Variants in KBTBD8 observed in about 807,000 individuals in gnomAD.
KBTBD8 encodes kelch repeat and BTB domain-containing protein 8.
Under a neutral mutation model 53.5 loss-of-function variants are expected in KBTBD8, and 31 were observed. That is an observed-to-expected ratio of 0.58 (90% CI 0.44 to 0.78). The LOEUF is 0.78. Among genes scored for constraint, KBTBD8 ranks in the 30% least tolerant of loss-of-function variants. The pLI is 0.00. For synonymous variants in KBTBD8, 250 were observed against 247.3 expected (o/e 1.01, Z -0.10); for missense variants, 642 against 735.8 (o/e 0.87, Z 1.48).
At chr3:67,003,173 T>C in intron 2 of KBTBD8, 22 bp from the exon 3 acceptor site, 1 of 1,600,524 alleles carries the variant, frequency 6.2e-7, no homozygotes, top group Non-Finnish European at 8.6e-7. Flanking sequence ...ACGTGTAATA[T>C]TAACCACTCT....
At position 67,007,808 on chromosome 3, in the gene KBTBD8, GT is replaced by G. The variant is rs375398794; in HGVS notation, c.1343-113del. On this transcript the variant is annotated intron_variant, in intron 3 of 3. Transcript: ENST00000417314. ...GATTATAAAAGAAATGTTTTAGAAA[GT>G]GAAATATATAGCAAATTATGCCCTT... 2.0e-5 allele frequency: 12 copies of G among 594,424 alleles called. No individual in the cohort carries two copies. In the African/African-American group the frequency reaches 2.2e-4, roughly 11 times the overall value. 36.8% of individuals were successfully genotyped at this position (594,424 alleles called of 1,614,324 possible).
intron 2 of KBTBD8, among the ~76,000 whole-genome samples, chr3:67,002,512 C>CTTTTTTTTTTTTTTTTTTTTT: frequency 1.1e-5 from 1 of 90,368 alleles, no homozygotes; most frequent in Non-Finnish European, 2.0e-5. Context: ...TATAGGTATT[C>CTTTTTTTTTTTTTTTTTTTTT]TTTTTTTTTT....
chr3:67,003,655 G>A lies in KBTBD8; in HGVS notation c.688G>A (p.Val230Met), dbSNP rs552054786. ...TGAGCATGAACAGAATGAAAGAGAAGTGCACCTTCCAGAAATTTTTGCTAA... is the reference window on the plus strand; with the variant it reads ...TGAGCATGAACAGAATGAAAGAGAAATGCACCTTCCAGAAATTTTTGCTAA... ...WFEHEQNERE[V>M]HLPEIFAKCI... Residue 230 changes from valine to methionine, a missense_variant, in exon 3 of 4, where the codon GTG becomes ATG. Physicochemically the swap from Val to Met is conservative, Grantham distance 21. Coordinates refer to ENST00000417314, the MANE Select transcript of KBTBD8 (RefSeq NM_032505.3). 7 of 1,614,080 alleles carry A rather than the reference G, an allele frequency of 4.3e-6. No homozygotes were observed. The African/African-American group carries it at 9.3e-5, about 22-fold the overall frequency.
At chr3:67,000,350 T>G (rs1271180120) in intron 2 of KBTBD8, among the ~76,000 whole-genome samples, 1 of 152,248 alleles carries the variant, frequency 6.6e-6, no homozygotes, top group African/African-American at 2.4e-5. Flanking sequence ...TAATGGAAAC[T>G]TCTAGTGAGA....
intron 2 of KBTBD8, among the ~76,000 whole-genome samples, chr3:67,001,654 T>C (rs369302444): frequency 1.3e-5 from 2 of 152,180 alleles, no homozygotes; most frequent in African/African-American, 4.8e-5. Flanking sequence ...AGCACCTGAA[T>C]TGAAAACCAG....
At position 67,004,270 on chromosome 3, in the gene KBTBD8, A is replaced by G; in HGVS notation, c.1303A>G (p.Asn435Asp). ...GATGCCAGTTGCAATGGAATTTCAT[A>G]ATGCTGTGGAGTACAAAGAGAAGAT... ...CAMPVAMEFH[N>D]AVEYKEKIYV... is the part of the protein sequence containing the mutation. The change falls in exon 3 of 4, where the codon AAT becomes GAT. Residue 435 changes from asparagine (N) to aspartate (D), a missense_variant. Coordinates refer to ENST00000417314, the MANE Select transcript of KBTBD8 (RefSeq NM_032505.3). 1 of 1,614,184 alleles carries G rather than the reference A, an allele frequency of 6.2e-7. No homozygotes were observed. Among genetic ancestry groups the G allele is most frequent in the Non-Finnish European group, 8.5e-7 (1 of 1,180,010 alleles).
intron 2 of KBTBD8, among the ~76,000 whole-genome samples, chr3:67,000,326 G>A (rs1702005903): frequency 6.6e-6 from 1 of 152,232 alleles, no homozygotes; most frequent in Non-Finnish European, 1.5e-5. Context: ...CAGAAGGTAT[G>A]AAGTTTGGCC....
At position 67,004,156 on chromosome 3, in the gene KBTBD8, G is replaced by C; in HGVS notation, c.1189G>C (p.Gly397Arg). The change falls in exon 3 of 4, where the codon GGT (glycine) becomes CGT (arginine). Residue 397 changes from glycine (G) to arginine (R), a missense_variant. Transcript: ENST00000417314. ...CTGTGGTAAAATGTATGCAATCGGA[G>C]GTCGTGTTTATGAAGGTGATGGGAG... ...YCCGKMYAIG[G>R]RVYEGDGRNS... 6.2e-7 allele frequency: 1 copy of C among 1,614,200 alleles called. No homozygotes were observed. Among genetic ancestry groups the C allele is most frequent in the Non-Finnish European group, 8.5e-7 (1 of 1,180,038 alleles).
At position 67,010,369 on chromosome 3, in the gene KBTBD8, A is replaced by T. The variant is rs188291077; in HGVS notation, c.*1984A>T. 3.9e-5 allele frequency: 6 copies of T among 152,724 alleles called. No homozygotes were observed. The South Asian group carries it at 6.2e-4, about 16-fold the overall frequency. The allele number at this position is 152,724 out of a possible 1,614,324, so 9.5% of individuals were successfully genotyped here. A position where few individuals can be genotyped will look rare whatever the true frequency, so the allele number is the denominator to read the frequency against. On this transcript the variant is annotated 3_prime_UTR_variant, in exon 4 of 4. Coordinates refer to ENST00000417314, the MANE Select transcript of KBTBD8 (RefSeq NM_032505.3). ...CAATCTTGTGTATTTAGAAAAATGT[A>T]TTACTTGAAAACATGACATAGAACA...
At chr3:66,999,312 T>C (rs1262738232) in intron 2 of KBTBD8, 121 bp downstream of exon 2, 1 of 824,956 alleles carries the variant, frequency 1.2e-6, no homozygotes, top group East Asian at 2.4e-5. Context: ...ACTTTGTTTC[T>C]TGAGACTAGA....
At position 67,008,082 on chromosome 3, in the gene KBTBD8, C is replaced by T; in HGVS notation, c.1503C>T (p.Ala501=). The part of the protein sequence containing the change: ...GNHQRMFTVE[A]YDIELNKWTR... ...ATCAACGTATGTTTACTGTAGAAGC[C>T]TATGATATTGAGCTAAATAAATGGA... The change falls in exon 4 of 4, where the codon GCC becomes GCT. Residue 501 remains alanine (A), a synonymous_variant. Coordinates refer to ENST00000417314, the MANE Select transcript of KBTBD8 (RefSeq NM_032505.3). 3.1e-6 allele frequency: 5 copies of T among 1,613,954 alleles called. No homozygotes were observed. The highest frequency in any genetic ancestry group is 4.2e-6 in the Non-Finnish European group (5 of 1,179,994).
At position 67,002,478 on chromosome 3, in the gene KBTBD8, G is replaced by T. The variant is rs139409598; in HGVS notation, c.228-717G>T. 2.7e-5 allele frequency among the ~76,000 whole-genome samples: 4 copies of T among 145,624 alleles called. No individual in the cohort carries two copies. In the East Asian group the frequency reaches 8.0e-4, roughly 29 times the overall value. On this transcript the variant is annotated intron_variant, in intron 2 of 3. Transcript: ENST00000417314. ...TTTTTATTAGGTTGTTTCTTTGTAT[G>T]CTAATGTATCATGTTGATACCTTTA... is the stretch of plus-strand genomic sequence containing the variant.
At chr3:67,006,961 G>C (rs995807466) in intron 3 of KBTBD8, among the ~76,000 whole-genome samples, 5 of 152,148 alleles carry the variant, frequency 3.3e-5, no homozygotes, top group Non-Finnish European at 7.3e-5. Context: ...GTCTGACTCA[G>C]CATACCTTTT....
At chr3:66,998,506 A>C in intron 1 of KBTBD8, 135 bp downstream of exon 1, 1 of 714,010 alleles carries the variant, frequency 1.4e-6, no homozygotes, top group Non-Finnish European at 2.0e-6. Flanking sequence ...GGGGAATGAG[A>C]AGAGGGAGGA....
At chr3:67,000,745 CTG>C in intron 2 of KBTBD8, among the ~76,000 whole-genome samples, 1 of 152,022 alleles carries the variant, frequency 6.6e-6, no homozygotes, top group Admixed American at 6.6e-5. Context: ...AAAACAAAAA[CTG>C]CAAAGTAAAA....
At chr3:67,004,815 T>C (rs558853106) in intron 3 of KBTBD8, among the ~76,000 whole-genome samples, 8 of 152,238 alleles carry the variant, frequency 5.3e-5, no homozygotes, top group African/African-American at 1.9e-4. Flanking sequence ...AGCCTTATTA[T>C]TGCAAAAATT....
chr3:67,004,151 T>C lies in KBTBD8; in HGVS notation c.1184T>C (p.Ile395Thr). 6.2e-7 allele frequency: 1 copy of C among 1,614,206 alleles called. No homozygotes were observed. The highest frequency in any genetic ancestry group is 8.5e-7 in the Non-Finnish European group (1 of 1,180,036). Residue 395 changes from isoleucine to threonine, a missense_variant, in exon 3 of 4, where the codon ATC becomes ACC. Coordinates refer to ENST00000417314, the MANE Select transcript of KBTBD8 (RefSeq NM_032505.3). ...LVYCCGKMYA[I>T]GGRVYEGDGR... ...TATTGCTGTGGTAAAATGTATGCAATCGGAGGTCGTGTTTATGAAGGTGAT... is the reference window on the plus strand; with the variant it reads ...TATTGCTGTGGTAAAATGTATGCAACCGGAGGTCGTGTTTATGAAGGTGAT...
At chr3:67,005,649 C>G (rs549464794) in intron 3 of KBTBD8, among the ~76,000 whole-genome samples, 52 of 151,752 alleles carry the variant, frequency 3.4e-4, no homozygotes, top group African/African-American at 1.2e-3. Flanking sequence ...TCCCCCTTCC[C>G]CTTCCCTTCT....
chr3:67,004,436 T>C, intron 3 of KBTBD8, 127 bp downstream of exon 3: 1 of 853,886 alleles, frequency 1.2e-6, no homozygotes. Flanking sequence ...ATCAAACTAT[T>C]GGAACAGTCT....
Sources: allele counts gnomAD v4.1 joint callset (sites outside exome capture counted in the v4.1 genomes callset), GRCh38; gene constraint gnomAD v4.1.1; transcripts MANE v1.5; gene names NCBI Gene and HGNC (gene_info 2026-07-23, HGNC 2026-07-21).